The following PHF2 variants were observed in gnomAD, a reference collection of about 807,000 sequenced individuals.
PHF2 encodes lysine-specific demethylase PHF2.
A neutral mutation model predicts 120.5 loss-of-function variants in PHF2; 27 were observed. That is an observed-to-expected ratio of 0.22 (90% confidence interval 0.17 to 0.31). The LOEUF is 0.31. PHF2 is among the 10% of genes least tolerant of loss of function. PHF2 has a pLI of 1.00. For synonymous variants in PHF2, 568 were observed against 592.5 expected (o/e 0.96, Z 0.60); for missense variants, 1,024 against 1,434.8 (o/e 0.71, Z 4.63).
rs747764825 is a variant in PHF2, at chr9:93,629,999, C to T, written c.128C>T (p.Pro43Leu). The T allele has an allele frequency of 5.1e-5, 82 of 1,614,038 alleles. No homozygotes were observed. The highest frequency in any genetic ancestry group is 6.9e-5 in the Non-Finnish European group (81 of 1,180,030). ...GTTGGGGTGGAAGAGGAGGAGGCGCCCGACATCGACATATACCACTGCCCA... is the reference window on the plus strand; with the variant it reads ...GTTGGGGTGGAAGAGGAGGAGGCGCTCGACATCGACATATACCACTGCCCA... ...SCVGVEEEEA[P>L]DIDIYHCPNC... Residue 43 changes from proline to leucine, a missense_variant, in exon 2 of 22, where the codon CCC becomes CTC. Transcript: ENST00000359246.
intron 1 of PHF2, among the ~76,000 whole-genome samples, chr9:93,619,082 C>G (rs79932852): frequency 0.024 from 3,590 of 152,004 alleles, 92 homozygotes; most frequent in East Asian, 0.11. Flanking sequence ...CTTGCCTGTG[C>G]AGAGGTGGAT....
At chr9:93,648,267 T>C (rs1182845144) in intron 4 of PHF2, among the ~76,000 whole-genome samples, 1 of 152,246 alleles carries the variant, frequency 6.6e-6, no homozygotes. Context: ...TGAGCAGGTC[T>C]CTCTGTCCCG....
chr9:93,608,530 C>G (rs1825583128), intron 1 of PHF2, among the ~76,000 whole-genome samples: 1 of 151,784 alleles, frequency 6.6e-6, no homozygotes. Context: ...ATAATTTATC[C>G]CTTTAATGTT....
intron 17 of PHF2, among the ~76,000 whole-genome samples, chr9:93,667,682 A>G (rs1826708492): frequency 6.6e-6 from 1 of 152,142 alleles, no homozygotes; most frequent in African/African-American, 2.4e-5. Context: ...CCCATTGCAC[A>G]GATGGGGAAA....
At chr9:93,659,206 C>T (rs906549159) in intron 10 of PHF2, among the ~76,000 whole-genome samples, 2 of 152,264 alleles carry the variant, frequency 1.3e-5, no homozygotes, top group African/African-American at 4.8e-5. Context: ...CCTGCCACCT[C>T]ACCTTAGCCA....
At chr9:93,594,162 C>T (rs753497022) in intron 1 of PHF2, among the ~76,000 whole-genome samples, 61 of 145,154 alleles carry the variant, frequency 4.2e-4, no homozygotes, top group African/African-American at 1.4e-3. Context: ...TCTGCCCTTC[C>T]GGCACACCCC....
At chr9:93,596,410 C>T (rs1454550244) in intron 1 of PHF2, among the ~76,000 whole-genome samples, 1 of 151,980 alleles carries the variant, frequency 6.6e-6, no homozygotes, top group African/African-American at 2.4e-5. Flanking sequence ...TGAAGAAATG[C>T]GTGTGCACTG....
intron 18 of PHF2, 146 bp downstream of exon 18, chr9:93,674,008 C>G (rs963751841): frequency 1.1e-6 from 1 of 909,034 alleles, no homozygotes; most frequent in Non-Finnish European, 1.6e-6. Flanking sequence ...CTGCTGTCCC[C>G]GGAGACCCTC....
intron 1 of PHF2, among the ~76,000 whole-genome samples, chr9:93,598,710 G>A (rs1185948172): frequency 1.3e-5 from 2 of 152,198 alleles, no homozygotes; most frequent in Admixed American, 6.5e-5. Flanking sequence ...GCTGTACTTT[G>A]ACCATTTTTC....
rs55647503 is a variant in PHF2, at chr9:93,627,492, A to ATTTTTTTTTTTTTTTTTTTTTTTTTTTT, written c.99-2462_99-2461insTTTTTTTTTTTTTTTTTTTTTTTTTTTT. 4.1e-4 allele frequency among the ~76,000 whole-genome samples: 44 copies of ATTTTTTTTTTTTTTTTTTTTTTTTTTTT among 108,128 alleles called. 5 individuals are homozygous for ATTTTTTTTTTTTTTTTTTTTTTTTTTTT. The highest frequency in any genetic ancestry group is 6.8e-4 in the African/African-American group (18 of 26,550). 70.9% of individuals were successfully genotyped at this position (108,128 alleles called of 152,430 possible). ...CAATTCAGACTCCTTTTATTTCAGG[A>ATTTTTTTTTTTTTTTTTTTTTTTTTTTT]TTTTTTTTTTTTTTTTGTCTAATTG... On this transcript the variant is annotated intron_variant, in intron 1 of 21. Coordinates refer to ENST00000359246, the MANE Select transcript of PHF2 (RefSeq NM_005392.4).
rs1189373628 is a variant in PHF2, at chr9:93,678,127, AGAG to A, written c.*458_*460del. ...AAAAAAAAAGGCAAAGAACACAGAA[AGAG>A]GAGGAGCAAGTGGGATGTTTATGTC... is the stretch of plus-strand genomic sequence containing the variant. On this transcript the variant is annotated 3_prime_UTR_variant, in exon 22 of 22. Transcript: ENST00000359246. 6.3e-6 allele frequency: 1 copy of A among 157,518 alleles called. No individual in the cohort carries two copies. The highest frequency in any genetic ancestry group is 2.4e-5 in the African/African-American group (1 of 41,558). The allele number at this position is 157,518 out of a possible 1,614,324, so 9.8% of individuals were successfully genotyped here. A position where few individuals can be genotyped will look rare whatever the true frequency, so the allele number is the denominator to read the frequency against.
At chr9:93,647,207 T>C (rs147933491) in intron 4 of PHF2, among the ~76,000 whole-genome samples, 151 of 152,262 alleles carry the variant, frequency 9.9e-4, no homozygotes, top group Non-Finnish European at 1.7e-3. Flanking sequence ...ACAGCTAATA[T>C]ATAGTGAGGG....
At chr9:93,667,348 A>G in intron 17 of PHF2, 108 bp downstream of exon 17, 1 of 1,344,390 alleles carries the variant, frequency 7.4e-7, no homozygotes, top group East Asian at 2.6e-5. Context: ...AGCTGGAGCC[A>G]GTGCTGAGCC....
chr9:93,645,978 A>G (rs150504230), intron 4 of PHF2, among the ~76,000 whole-genome samples, 189 bp downstream of exon 4: 110 of 152,326 alleles, frequency 7.2e-4, no homozygotes, highest in Admixed American at 2.5e-3. Flanking sequence ...GAGATGACAT[A>G]TGACCTGGCA....
intron 1 of PHF2, among the ~76,000 whole-genome samples, chr9:93,629,398 C>T (rs1462143675): frequency 6.6e-6 from 1 of 152,144 alleles, no homozygotes; most frequent in Admixed American, 6.5e-5. Flanking sequence ...AGTCTCCAAG[C>T]AGGTTTGCAA....
rs755362883 is a variant in PHF2 at position 93,576,888 on chromosome 9, TGCTCG to T, written c.98+25_98+29del. ...CCACGGCAGGTGAGCGCGCGGCGGC[TGCTCG>T]GCTCGGCCCGGCCCGGCCCGGCCAC... On this transcript the variant is annotated intron_variant, in intron 1 of 21. Coordinates refer to ENST00000359246, the MANE Select transcript of PHF2 (RefSeq NM_005392.4). The T allele has an allele frequency of 8.5e-3, 10,000 of 1,171,788 alleles. 58 individuals carry two copies. The highest frequency in any genetic ancestry group is 9.9e-3 in the Non-Finnish European group (8,995 of 911,744). 72.6% of individuals were successfully genotyped at this position (1,171,788 alleles called of 1,614,324 possible).
chr9:93,668,335 C>A (rs919219765), intron 17 of PHF2, among the ~76,000 whole-genome samples: 2 of 152,110 alleles, frequency 1.3e-5, no homozygotes, highest in Non-Finnish European at 2.9e-5. Flanking sequence ...GCTGTGAGCT[C>A]CTCCTCCCTG....
chr9:93,658,591 A>G (rs996082647), intron 10 of PHF2, among the ~76,000 whole-genome samples: 1 of 152,072 alleles, frequency 6.6e-6, no homozygotes, highest in Non-Finnish European at 1.5e-5. Flanking sequence ...TGGGGGACAG[A>G]TGGCCTATGG....
chr9:93,622,272 A>G (rs1010803412), intron 1 of PHF2, among the ~76,000 whole-genome samples: 7 of 152,220 alleles, frequency 4.6e-5, no homozygotes, highest in African/African-American at 1.7e-4. Flanking sequence ...CAGCCTGTCC[A>G]TACACCGAGC....
Sources: allele counts gnomAD v4.1 joint callset (sites outside exome capture counted in the v4.1 genomes callset), GRCh38; gene constraint gnomAD v4.1.1; transcripts MANE v1.5; gene names NCBI Gene and HGNC (gene_info 2026-07-23, HGNC 2026-07-21).